Variants in SHISA9 observed in about 807,000 individuals in gnomAD.
SHISA9 encodes protein shisa-9.
In SHISA9, 13 loss-of-function variants were observed where a neutral mutation model predicts 38.0. The observed-to-expected ratio is 0.34, with a 90% CI of 0.22 to 0.54. The LOEUF (loss-of-function observed/expected upper bound fraction) is 0.54. SHISA9 is among the 20% of genes least tolerant of loss of function. The pLI is 0.91. For synonymous variants in SHISA9, 275 were observed against 242.0 expected, an observed-to-expected ratio of 1.14 and a Z score of -1.27; for missense variants, 538 against 575.8, an observed-to-expected ratio of 0.93 and a Z score of 0.67.
At chr16:13,328,965 A>C in the SHISA9 span, among the ~76,000 whole-genome samples, 1 of 152,166 alleles carries the variant, frequency 6.6e-6, no homozygotes, top group Non-Finnish European at 1.5e-5. Context: ...TAGACAAGCG[A>C]GCTGGAAGCT....
chr16:13,168,181 C>A (rs1361520930), intron 2 of SHISA9, among the ~76,000 whole-genome samples: 1 of 152,178 alleles, frequency 6.6e-6, no homozygotes, highest in Non-Finnish European at 1.5e-5. Context: ...CAACCACCTC[C>A]GTTATGGGCT....
the SHISA9 span, among the ~76,000 whole-genome samples, chr16:13,428,514 T>G: frequency 6.6e-6 from 1 of 152,284 alleles, no homozygotes; most frequent in South Asian, 2.1e-4. Flanking sequence ...ATCTCCAACC[T>G]TGAAGATAGT....
chr16:13,538,988 G>A, the SHISA9 span, among the ~76,000 whole-genome samples: 1 of 152,056 alleles, frequency 6.6e-6, no homozygotes, highest in East Asian at 1.9e-4. Context: ...TAATTGCAAA[G>A]CCAGAACTTT....
At chr16:13,458,232 CT>C in the SHISA9 span, 1 of 219,420 alleles carries the variant, frequency 4.6e-6, no homozygotes, top group Admixed American at 6.1e-5. Flanking sequence ...AGAATAACCT[CT>C]TATGGACACT....
intron 2 of SHISA9, among the ~76,000 whole-genome samples, chr16:13,167,686 T>C (rs2050650005): frequency 6.6e-6 from 1 of 152,174 alleles, no homozygotes; most frequent in Admixed American, 6.5e-5. Context: ...CTTCTCTCTC[T>C]TCCTCCTGCT....
At chr16:13,441,400 C>A in the SHISA9 span, among the ~76,000 whole-genome samples, 1 of 152,144 alleles carries the variant, frequency 6.6e-6, no homozygotes, top group Non-Finnish European at 1.5e-5. Context: ...CTGAGAATGA[C>A]CCTATCATCT....
At chr16:13,391,498 C>G in the SHISA9 span, among the ~76,000 whole-genome samples, 1 of 152,198 alleles carries the variant, frequency 6.6e-6, no homozygotes, top group African/African-American at 2.4e-5. Context: ...CAGTCCCCAA[C>G]GAATCTATGC....
the SHISA9 span, among the ~76,000 whole-genome samples, chr16:13,452,684 A>G: frequency 2.0e-5 from 3 of 152,142 alleles, no homozygotes; most frequent in African/African-American, 7.2e-5. Flanking sequence ...GGCTTCTGGT[A>G]GACTGCAAGA....
At chr16:13,526,727 T>G in the SHISA9 span, among the ~76,000 whole-genome samples, 1 of 152,118 alleles carries the variant, frequency 6.6e-6, no homozygotes, top group South Asian at 2.1e-4. Flanking sequence ...TCTACACATA[T>G]TAGCCTCACC....
At chr16:13,065,267 C>G (rs2073421325) in intron 2 of SHISA9, among the ~76,000 whole-genome samples, 2 of 152,256 alleles carry the variant, frequency 1.3e-5, no homozygotes, top group African/African-American at 4.8e-5. Context: ...TTTCTCTCTC[C>G]CTCCCACTCC....
chr16:12,925,473 G>GTCTA (rs113968316), intron 2 of SHISA9, among the ~76,000 whole-genome samples: 24 of 150,604 alleles, frequency 1.6e-4, no homozygotes, highest in Non-Finnish European at 3.0e-4. Context: ...GTGTGTGTGT[G>GTCTA]CAAGCAACAG....
intron 2 of SHISA9, among the ~76,000 whole-genome samples, chr16:13,033,217 GGGTGACA>G (rs2073012994): frequency 6.6e-6 from 1 of 152,152 alleles, no homozygotes; most frequent in Non-Finnish European, 1.5e-5. Flanking sequence ...GGTTAGGCTT[GGGTGACA>G]TACCCTCCCC....
the SHISA9 span, among the ~76,000 whole-genome samples, chr16:13,324,784 T>A: frequency 6.6e-6 from 1 of 152,200 alleles, no homozygotes; most frequent in Non-Finnish European, 1.5e-5. Flanking sequence ...AGTGATTGTA[T>A]TACAGCTTGG....
chr16:13,314,025 C>T, the SHISA9 span, among the ~76,000 whole-genome samples: 1 of 150,688 alleles, frequency 6.6e-6, no homozygotes, highest in Admixed American at 6.6e-5. Context: ...TTTGCTTTTG[C>T]TCTGCTAACA....
In SHISA9 at chr16:13,238,263, A is replaced by G. The variant is rs970990182; in HGVS notation, c.*2854A>G. 9 of 152,216 alleles carry G rather than the reference A, an allele frequency of 5.9e-5. No individual in the cohort carries two copies. Among genetic ancestry groups the G allele is most frequent in the African/African-American group, 2.2e-4 (9 of 41,454 alleles). 9.4% of individuals were successfully genotyped at this position (152,216 alleles called of 1,614,324 possible). ...CCAAAAAGTAAATGAAAGGGGAATC[A>G]TTTCCTATGCAAGTCAGTGTTGAAC... On this transcript the variant is annotated 3_prime_UTR_variant, in exon 5 of 5. Coordinates refer to ENST00000558583, the MANE Select transcript of SHISA9 (RefSeq NM_001145204.3).
At chr16:13,438,230 C>T in the SHISA9 span, among the ~76,000 whole-genome samples, 1 of 152,078 alleles carries the variant, frequency 6.6e-6, no homozygotes, top group Admixed American at 6.6e-5. Context: ...CTTGTGTGAC[C>T]CTTAGTTTGC....
At chr16:12,935,998 G>A (rs1046551396) in intron 2 of SHISA9, among the ~76,000 whole-genome samples, 1 of 152,090 alleles carries the variant, frequency 6.6e-6, no homozygotes, top group African/African-American at 2.4e-5. Flanking sequence ...TTGAAGAGAG[G>A]GGCTGCCTTC....
chr16:13,430,569 T>C, the SHISA9 span, among the ~76,000 whole-genome samples: 14 of 152,256 alleles, frequency 9.2e-5, no homozygotes, highest in East Asian at 2.7e-3. Context: ...GATGAAAGAA[T>C]ACTTTATCTT....
At chr16:13,042,371 A>G (rs1163908389) in intron 2 of SHISA9, among the ~76,000 whole-genome samples, 3 of 152,272 alleles carry the variant, frequency 2.0e-5, no homozygotes, top group African/African-American at 4.8e-5. Flanking sequence ...TTATTGGCCA[A>G]TTTGCTTGGC....
Sources: allele counts gnomAD v4.1 joint callset (sites outside exome capture counted in the v4.1 genomes callset), GRCh38; gene constraint gnomAD v4.1.1; transcripts MANE v1.5; gene names NCBI Gene and HGNC (gene_info 2026-07-23, HGNC 2026-07-21).